Variants in CNTN4 observed in about 807,000 individuals in gnomAD.
The protein encoded by CNTN4 is contactin-4.
In CNTN4, 77 loss-of-function variants were observed where a neutral mutation model predicts 122.5. The observed-to-expected ratio is 0.63, with a 90% CI of 0.52 to 0.76. The LOEUF (loss-of-function observed/expected upper bound fraction) is 0.76, where lower values mean the gene tolerates loss of function less well. CNTN4 is among the 30% of genes least tolerant of loss of function. CNTN4 has a pLI of 0.00. For synonymous variants in CNTN4, 512 were observed against 447.0 expected (o/e 1.15, Z -1.83); for missense variants, 1,256 against 1,259.1 (o/e 1.00, Z 0.04).
intron 4 of CNTN4, among the ~76,000 whole-genome samples, chr3:2,576,687 A>C (rs2079704233): frequency 6.6e-6 from 1 of 151,774 alleles, no homozygotes; most frequent in South Asian, 2.1e-4. Flanking sequence ...ATCTGGGATT[A>C]CAGGTGCCTA....
At chr3:3,003,740 C>T (rs566895084) in intron 14 of CNTN4, among the ~76,000 whole-genome samples, 2 of 129,076 alleles carry the variant, frequency 1.5e-5, no homozygotes, top group South Asian at 5.8e-4. Context: ...GAATTGTATA[C>T]TTCTTAAATG....
At chr3:2,209,941 T>A (rs2149433905) in intron 2 of CNTN4, among the ~76,000 whole-genome samples, 1 of 152,210 alleles carries the variant, frequency 6.6e-6, no homozygotes, top group East Asian at 1.9e-4. Flanking sequence ...TTTCCATAAG[T>A]CCCCGAGAGC....
At chr3:2,644,306 T>C (rs1024847288) in intron 4 of CNTN4, among the ~76,000 whole-genome samples, 1 of 152,202 alleles carries the variant, frequency 6.6e-6, no homozygotes, top group African/African-American at 2.4e-5. Context: ...CTAGTGACAC[T>C]TGCTCTCATA....
intron 13 of CNTN4, among the ~76,000 whole-genome samples, chr3:2,957,759 A>C (rs981138815): frequency 2.6e-5 from 3 of 114,222 alleles, no homozygotes; most frequent in African/African-American, 1.0e-4. Flanking sequence ...ATTGTGACAA[A>C]GGACACGATT....
At chr3:2,673,931 C>G (rs2150403050) in intron 4 of CNTN4, among the ~76,000 whole-genome samples, 1 of 152,212 alleles carries the variant, frequency 6.6e-6, no homozygotes, top group East Asian at 1.9e-4. Context: ...GCCAGTCTTG[C>G]CTACCAGAGG....
intron 2 of CNTN4, among the ~76,000 whole-genome samples, chr3:2,333,409 GAAAT>G (rs1211824565): frequency 5.3e-5 from 8 of 152,204 alleles, no homozygotes; most frequent in Non-Finnish European, 1.2e-4. Context: ...ATGGTTCAGT[GAAAT>G]AAATACACAT....
rs561467117 is a variant in CNTN4, at chr3:2,185,421, G to C, written c.-145+84782G>C. On this transcript the variant is annotated intron_variant, in intron 2 of 24. Transcript: ENST00000418658. ...ATAGGATTCCCATTTTTTTCACTTGGCTCTAAATTAGTATCCCAGATCTTT... is the reference window on the plus strand; with the variant it reads ...ATAGGATTCCCATTTTTTTCACTTGCCTCTAAATTAGTATCCCAGATCTTT... Among the ~76,000 whole-genome samples the C allele has an allele frequency of 3.1e-4, 47 of 152,042 alleles. 1 individual carries two copies. The South Asian group carries it at 9.1e-3, about 30-fold the overall frequency.
chr3:2,897,490 A>G (rs1019055007), intron 10 of CNTN4, among the ~76,000 whole-genome samples: 4 of 152,084 alleles, frequency 2.6e-5, no homozygotes, highest in African/African-American at 9.7e-5. Flanking sequence ...GTATTGAACT[A>G]ACCTGTTCAG....
At position 2,525,455 on chromosome 3, in the gene CNTN4, A is replaced by G. The variant is rs1171325290; in HGVS notation, c.-88-45961A>G. 2.6e-5 allele frequency among the ~76,000 whole-genome samples: 4 copies of G among 152,166 alleles called. No homozygotes were observed. In the South Asian group the frequency reaches 8.3e-4, roughly 31 times the overall value. Reference sequence around the variant, plus strand: ...CAGTTGAAAATATTTTAAAGTCCATATATATCTGTGAAAGGCATAGATGTA... The same window carrying G: ...CAGTTGAAAATATTTTAAAGTCCATGTATATCTGTGAAAGGCATAGATGTA... On this transcript the variant is annotated intron_variant, in intron 3 of 24. Transcript: ENST00000418658.
intron 2 of CNTN4, among the ~76,000 whole-genome samples, chr3:2,213,906 G>C (rs566148617): frequency 3.3e-5 from 5 of 152,282 alleles, no homozygotes; most frequent in Non-Finnish European, 7.4e-5. Context: ...AACAAACCAC[G>C]ATGGGCTCAT....
At chr3:3,010,591 A>G (rs909570788) in intron 14 of CNTN4, among the ~76,000 whole-genome samples, 6 of 152,166 alleles carry the variant, frequency 3.9e-5, no homozygotes, top group African/African-American at 1.4e-4. Context: ...TGCCTGACAC[A>G]TAATTGTAGT....
At chr3:2,346,890 C>A (rs2044416630) in intron 3 of CNTN4, among the ~76,000 whole-genome samples, 1 of 152,134 alleles carries the variant, frequency 6.6e-6, no homozygotes, top group Non-Finnish European at 1.5e-5. Context: ...AGAAAATTCT[C>A]ATTTATTATT....
At chr3:2,792,548 A>T (rs1044639182) in intron 6 of CNTN4, among the ~76,000 whole-genome samples, 1 of 152,230 alleles carries the variant, frequency 6.6e-6, no homozygotes, top group Non-Finnish European at 1.5e-5. Flanking sequence ...CCTAAGCAAG[A>T]ATGCTAGAAG....
chr3:2,290,766 C>G (rs1423264860), intron 2 of CNTN4, among the ~76,000 whole-genome samples: 1 of 152,072 alleles, frequency 6.6e-6, no homozygotes, highest in African/African-American at 2.4e-5. Flanking sequence ...CTGCTGGGGT[C>G]TTTGGATGCT....
In CNTN4 at chr3:2,408,354, A is replaced by G. The variant is rs78076552; in HGVS notation, c.-89+69121A>G. 9.6e-3 allele frequency among the ~76,000 whole-genome samples: 1,469 copies of G among 152,300 alleles called. 33 individuals are homozygous for G. Among genetic ancestry groups the G allele is most frequent in the South Asian group, 0.068 (330 of 4,822 alleles). ...TGTCTGCCGCCTTCAACCATTTATTACTAATTCATCTGGGAAATGATTTAT... is the reference window on the plus strand; with the variant it reads ...TGTCTGCCGCCTTCAACCATTTATTGCTAATTCATCTGGGAAATGATTTAT... On this transcript the variant is annotated intron_variant, in intron 3 of 24. Transcript: ENST00000418658.
intron 5 of CNTN4, among the ~76,000 whole-genome samples, chr3:2,742,304 AC>A (rs1347171000): frequency 6.6e-6 from 1 of 152,158 alleles, no homozygotes; most frequent in Admixed American, 6.5e-5. Flanking sequence ...ATTGACCCAG[AC>A]CCAGAAAAAT....
chr3:3,026,571 A>T (rs1182708048), intron 15 of CNTN4, among the ~76,000 whole-genome samples: 1 of 152,106 alleles, frequency 6.6e-6, no homozygotes, highest in Non-Finnish European at 1.5e-5. Flanking sequence ...ATAGCTACTG[A>T]ATTGTGGAAC....
At chr3:2,410,308 C>A (rs1394196664) in intron 3 of CNTN4, among the ~76,000 whole-genome samples, 1 of 152,112 alleles carries the variant, frequency 6.6e-6, no homozygotes, top group Non-Finnish European at 1.5e-5. Flanking sequence ...ACAGAGAATT[C>A]TGTAAGAGTC....
Position 3,030,908 on chromosome 3 carries a change from G to A in CNTN4, c.1716G>A (p.Gly572=), listed in dbSNP as rs1350286610. 2 of 1,613,936 alleles carry A rather than the reference G, an allele frequency of 1.2e-6. No homozygotes were observed. Among genetic ancestry groups the A allele is most frequent in the African/African-American group, 1.3e-5 (1 of 74,926 alleles). The change falls in exon 16 of 25, where the codon GGG becomes GGA. Residue 572 remains glycine (G), a synonymous_variant. Transcript: ENST00000418658. The stretch of plus-strand genomic sequence containing the variant: ...GAAACATCCAACTGAAGCATGCTGG[G>A]AAATATGTCTGCATGGTCCAAACAA... ...MIRNIQLKHA[G]KYVCMVQTSV...
Sources: gnomAD v4.1 joint callset for allele counts (sites outside exome capture counted in the v4.1 genomes callset) on GRCh38, gnomAD v4.1.1 for gene constraint, MANE v1.5 for transcripts, NCBI Gene and HGNC (gene_info 2026-07-23, HGNC 2026-07-21) for gene names.